Variants in TMEM117 observed in about 807,000 individuals in gnomAD.
TMEM117 encodes the protein transmembrane protein 117.
Under a neutral mutation model 52.4 loss-of-function variants are expected in TMEM117, and 27 were observed. The observed-to-expected ratio is 0.51, with a 90% CI of 0.38 to 0.71. TMEM117 has a LOEUF of 0.71. TMEM117 is among the 30% of genes least tolerant of loss of function. The pLI is 0.00. For synonymous variants in TMEM117, 215 were observed against 206.3 expected (o/e 1.04, Z -0.36); for missense variants, 556 against 630.5 (o/e 0.88, Z 1.26).
intron 2 of TMEM117, among the ~76,000 whole-genome samples, chr12:43,938,202 C>G (rs956290359): frequency 6.7e-6 from 1 of 149,692 alleles, no homozygotes; most frequent in African/African-American, 2.5e-5. Flanking sequence ...AATGGGCCAC[C>G]TAGTGGTCTG....
At chr12:43,952,407 G>T (rs1945239101) in intron 3 of TMEM117, among the ~76,000 whole-genome samples, 1 of 152,090 alleles carries the variant, frequency 6.6e-6, no homozygotes, top group South Asian at 2.1e-4. Context: ...AACATTACAG[G>T]AGCTGTTAAC....
intron 3 of TMEM117, among the ~76,000 whole-genome samples, chr12:43,970,598 T>TA (rs1320812110): frequency 6.6e-6 from 1 of 152,224 alleles, no homozygotes; most frequent in Non-Finnish European, 1.5e-5. Flanking sequence ...TGCTCTACTT[T>TA]ATTATAAAGT....
chr12:44,057,069 C>A (rs967696970), intron 3 of TMEM117, among the ~76,000 whole-genome samples: 22 of 152,160 alleles, frequency 1.4e-4, no homozygotes, highest in Admixed American at 4.6e-4. Context: ...AAGAAACTGC[C>A]TTAAATGATG....
chr12:44,058,008 A>G (rs1947083834), intron 3 of TMEM117, among the ~76,000 whole-genome samples: 1 of 152,220 alleles, frequency 6.6e-6, no homozygotes, highest in African/African-American at 2.4e-5. Flanking sequence ...ATTCTCTGTA[A>G]AAGTGAATTA....
intron 5 of TMEM117, among the ~76,000 whole-genome samples, chr12:44,224,380 A>G (rs1284036052): frequency 1.3e-5 from 2 of 152,142 alleles, no homozygotes; most frequent in African/African-American, 2.4e-5. Flanking sequence ...TGTCCCATCT[A>G]TACTTAATCT....
intron 6 of TMEM117, among the ~76,000 whole-genome samples, chr12:44,353,480 G>A (rs1255455244): frequency 1.3e-5 from 2 of 151,640 alleles, no homozygotes; most frequent in Non-Finnish European, 3.0e-5. Flanking sequence ...TGTATAAGGT[G>A]TAAGGAAGGG....
chr12:44,200,163 CA>C (rs900788321), intron 4 of TMEM117, among the ~76,000 whole-genome samples: 14 of 151,880 alleles, frequency 9.2e-5, no homozygotes, highest in African/African-American at 3.4e-4. Flanking sequence ...AAAATAGAAA[CA>C]AAAAAACCCC....
At chr12:43,852,531 G>A (rs1362454096) in intron 2 of TMEM117, among the ~76,000 whole-genome samples, 8 of 152,232 alleles carry the variant, frequency 5.3e-5, no homozygotes, top group Admixed American at 6.5e-5. Flanking sequence ...GAACCCAGGA[G>A]GCAGAGGTTG....
chr12:44,036,407 G>A (rs1946711148), intron 3 of TMEM117, among the ~76,000 whole-genome samples: 1 of 152,100 alleles, frequency 6.6e-6, no homozygotes, highest in African/African-American at 2.4e-5. Flanking sequence ...AATTAATTAT[G>A]TGTTTGTAAT....
At chr12:44,182,433 C>G (rs1431165523) in intron 4 of TMEM117, among the ~76,000 whole-genome samples, 1 of 152,060 alleles carries the variant, frequency 6.6e-6, no homozygotes, top group African/African-American at 2.4e-5. Flanking sequence ...GTCTTGTGCA[C>G]AGAGCCAAAG....
intron 2 of TMEM117, among the ~76,000 whole-genome samples, chr12:43,861,491 G>A (rs1943488727): frequency 6.6e-6 from 1 of 152,170 alleles, no homozygotes; most frequent in African/African-American, 2.4e-5. Flanking sequence ...ACTGAATTTT[G>A]TAAACACAAG....
intron 3 of TMEM117, among the ~76,000 whole-genome samples, chr12:44,117,263 C>T (rs1948160218): frequency 6.6e-6 from 1 of 152,154 alleles, no homozygotes; most frequent in Non-Finnish European, 1.5e-5. Context: ...CCTCTCTTTT[C>T]TTAGCTATAC....
At chr12:44,350,139 G>A (rs1951541574) in intron 6 of TMEM117, among the ~76,000 whole-genome samples, 1 of 151,864 alleles carries the variant, frequency 6.6e-6, no homozygotes, top group Non-Finnish European at 1.5e-5. Flanking sequence ...TAATTTCTGG[G>A]AACAGCCTGT....
chr12:44,318,682 C>T (rs1951090281), intron 6 of TMEM117, among the ~76,000 whole-genome samples: 1 of 151,826 alleles, frequency 6.6e-6, no homozygotes, highest in South Asian at 2.1e-4. Context: ...GAGAGGACCC[C>T]ACTGCATCCC....
intron 3 of TMEM117, among the ~76,000 whole-genome samples, chr12:44,080,306 A>G (rs1259720605): frequency 1.3e-5 from 2 of 152,142 alleles, no homozygotes; most frequent in African/African-American, 2.4e-5. Context: ...CCCTCTTCAC[A>G]TGGCGACAGC....
intron 5 of TMEM117, among the ~76,000 whole-genome samples, chr12:44,280,016 A>G (rs1274191152): frequency 6.6e-6 from 1 of 152,048 alleles, no homozygotes; most frequent in East Asian, 1.9e-4. Flanking sequence ...ACTAGTCTCA[A>G]TCTGTCTCTG....
At chr12:44,123,770 T>C (rs1260834345) in intron 3 of TMEM117, among the ~76,000 whole-genome samples, 1 of 152,228 alleles carries the variant, frequency 6.6e-6, no homozygotes, top group Non-Finnish European at 1.5e-5. Flanking sequence ...GTGTCCGTTT[T>C]TGTACTGGTA....
intron 2 of TMEM117, among the ~76,000 whole-genome samples, chr12:43,926,213 T>C (rs1944776690): frequency 6.6e-6 from 1 of 152,194 alleles, no homozygotes; most frequent in African/African-American, 2.4e-5. Context: ...CTGAAATCAG[T>C]AGAAGCACCA....
intron 5 of TMEM117, among the ~76,000 whole-genome samples, chr12:44,216,009 T>TTTTC (rs1555136283): frequency 1.5e-5 from 2 of 130,004 alleles, no homozygotes; most frequent in Admixed American, 7.7e-5. Context: ...TTCTTTCTTT[T>TTTTC]TTTTTTTTTT....
Sources: gnomAD v4.1 joint callset for allele counts (sites outside exome capture counted in the v4.1 genomes callset) on GRCh38, gnomAD v4.1.1 for gene constraint, MANE v1.5 for transcripts, NCBI Gene and HGNC (gene_info 2026-07-23, HGNC 2026-07-21) for gene names.